The following SARDH variants were observed in gnomAD, a reference collection of about 807,000 sequenced individuals.
SARDH encodes sarcosine dehydrogenase, also known as sarcosine dehydrogenase, mitochondrial.
SARDH carries 95 observed loss-of-function variants against 109.1 expected under a neutral mutation model. That is an observed-to-expected ratio of 0.87 (90% CI 0.74 to 1.03). The LOEUF is 1.03. SARDH is among the 50% of genes least tolerant of loss of function. The probability of loss-of-function intolerance (pLI) is 0.00; values close to 1 mark genes in which losing one functional copy is unlikely to be tolerated. For synonymous variants in SARDH, 572 were observed against 534.8 expected, an observed-to-expected ratio of 1.07 and a Z score of -0.96; for missense variants, 1,267 against 1,287.8, an observed-to-expected ratio of 0.98 and a Z score of 0.25.
chr9:133,727,340 C>T (rs1357237834), intron 6 of SARDH, among the ~76,000 whole-genome samples: 1 of 152,224 alleles, frequency 6.6e-6, no homozygotes, highest in African/African-American at 2.4e-5. Flanking sequence ...GCTGGAGCCC[C>T]CAGGCCCCAA....
At chr9:133,689,871 C>T (rs1228545221) in intron 16 of SARDH, among the ~76,000 whole-genome samples, 3 of 152,192 alleles carry the variant, frequency 2.0e-5, no homozygotes, top group Admixed American at 6.5e-5. Context: ...GGGTCTTCCC[C>T]GGTCCTGGTT....
In SARDH at chr9:133,731,310, C is replaced by A; in HGVS notation, c.685G>T (p.Ala229Ser). 1 of 1,614,044 alleles carries A rather than the reference C, an allele frequency of 6.2e-7. No homozygotes were observed. Among genetic ancestry groups the A allele is most frequent in the African/African-American group, 1.3e-5 (1 of 75,044 alleles). Residue 229 changes from alanine (A) to serine (S), a missense_variant, in exon 4 of 21, where the codon GCA (alanine) becomes TCA (serine). By Grantham distance (99) the Ala-to-Ser change is moderately conservative. Transcript: ENST00000439388. Reference protein sequence around the residue: ...TLARAASARGAQVIENCPVTG... With the variant: ...TLARAASARGSQVIENCPVTG... ...AGCCAGGCGGCCATCAGTACCTGTGCTCCTCGGGCAGAAGCTGCCCTGGCG... is the reference window on the plus strand; with the variant it reads ...AGCCAGGCGGCCATCAGTACCTGTGATCCTCGGGCAGAAGCTGCCCTGGCG...
At chr9:133,691,422 C>G (rs1291704886) in intron 15 of SARDH, among the ~76,000 whole-genome samples, 2 of 152,166 alleles carry the variant, frequency 1.3e-5, no homozygotes, top group Non-Finnish European at 2.9e-5. Context: ...TCAGTCAGCC[C>G]AGGTCCAGGC....
At position 133,663,746 on chromosome 9, in the gene SARDH, T is replaced by G; in HGVS notation, c.*143A>C. The G allele has an allele frequency of 8.8e-6, 10 of 1,135,364 alleles. No individual in the cohort carries two copies. The highest frequency in any genetic ancestry group is 1.3e-5 in the Non-Finnish European group (10 of 789,676). 70.3% of individuals were successfully genotyped at this position (1,135,364 alleles called of 1,614,324 possible). ...ATCTTGGTCTCTGTCCGTATCTGGT[T>G]TGGGGGTTTTCGCAGGACTAGGCCT... On this transcript the variant is annotated 3_prime_UTR_variant, in exon 21 of 21. Transcript: ENST00000439388.
chr9:133,671,403 A>T, intron 18 of SARDH, 132 bp downstream of exon 18: 1 of 1,193,282 alleles, frequency 8.4e-7, no homozygotes. Context: ...GGAGGAAATC[A>T]TGGTGTGGAA....
rs1342497637 is a variant in SARDH at position 133,719,007 on chromosome 9, G to A, written c.951C>T (p.Val317=). The part of the protein sequence containing the change: ...MPNVRDHDAS[V]YLRLQGDALS... ...AGGCATCCCCTTGGAGGCGGAGGTA[G>A]ACAGAGGCATCATGATCACGGACAT... is the stretch of plus-strand genomic sequence containing the variant. The change falls in exon 7 of 21, where the codon GTC becomes GTT. Residue 317 remains valine, a synonymous_variant. Coordinates refer to ENST00000439388, the MANE Select transcript of SARDH (RefSeq NM_001134707.2). 6.2e-7 allele frequency: 1 copy of A among 1,614,226 alleles called. No homozygotes were observed. The highest frequency in any genetic ancestry group is 1.1e-5 in the South Asian group (1 of 91,072).
intron 17 of SARDH, among the ~76,000 whole-genome samples, chr9:133,676,769 C>T (rs1380635267): frequency 6.6e-6 from 1 of 152,166 alleles, no homozygotes; most frequent in Non-Finnish European, 1.5e-5. Context: ...TGAAGATGGT[C>T]GGTCATGAGC....
intron 8 of SARDH, among the ~76,000 whole-genome samples, chr9:133,714,769 G>A (rs1459512218): frequency 6.6e-6 from 1 of 152,166 alleles, no homozygotes; most frequent in Non-Finnish European, 1.5e-5. Context: ...AACACAGCAA[G>A]ACCTTTAAAA....
upstream of SARDH, among the ~76,000 whole-genome samples, chr9:133,738,647 C>T (rs568071907): frequency 3.3e-5 from 5 of 152,244 alleles, no homozygotes; most frequent in Admixed American, 6.5e-5. Flanking sequence ...TGGAGCCGCC[C>T]GAGCTCCCCG....
chr9:133,736,223 A>G (rs908247704), intron 1 of SARDH, among the ~76,000 whole-genome samples: 4 of 152,236 alleles, frequency 2.6e-5, no homozygotes, highest in African/African-American at 4.8e-5. Flanking sequence ...ACAATCATCA[A>G]TGCTGCCTCA....
rs1292757476 is a variant in SARDH at position 133,692,298 on chromosome 9, C to G, written c.1922-1771G>C. The stretch of plus-strand genomic sequence containing the variant: ...GACCTGTGTCCTCATTTTGGCCCCT[C>G]TACTGTCTCCCTAGCTAGACTCACT... On this transcript the variant is annotated intron_variant, in intron 15 of 20. Transcript: ENST00000439388. This position sits in a 1 kb window ranked among gnomAD's most constrained non-coding sequence, Gnocchi z 5.0. 6.6e-6 allele frequency among the ~76,000 whole-genome samples: 1 copy of G among 152,158 alleles called. No individual in the cohort carries two copies. Among genetic ancestry groups the G allele is most frequent in the Admixed American group, 6.5e-5 (1 of 15,278 alleles).
At chr9:133,720,435 A>G (rs1832284480) in intron 6 of SARDH, among the ~76,000 whole-genome samples, 1 of 152,244 alleles carries the variant, frequency 6.6e-6, no homozygotes, top group Admixed American at 6.5e-5. Context: ...TCTCATAAAT[A>G]AATAACCACA....
chr9:133,706,289 A>G (rs1030553085), intron 11 of SARDH, among the ~76,000 whole-genome samples: 1 of 152,234 alleles, frequency 6.6e-6, no homozygotes, highest in Non-Finnish European at 1.5e-5. Flanking sequence ...AAAAGCAACG[A>G]AATTTGGACA....
chr9:133,734,763 C>A (rs777008459), intron 1 of SARDH, among the ~76,000 whole-genome samples: 4 of 152,184 alleles, frequency 2.6e-5, no homozygotes, highest in Non-Finnish European at 5.9e-5. Context: ...AAAGGAGGGG[C>A]TCCGGTCTCA....
chr9:133,672,031 ACT>A (rs1206699537), intron 17 of SARDH, among the ~76,000 whole-genome samples: 3 of 151,474 alleles, frequency 2.0e-5, no homozygotes, highest in East Asian at 3.9e-4. Flanking sequence ...ATAACAGTAA[ACT>A]CTCTCTCGGT....
intron 10 of SARDH, among the ~76,000 whole-genome samples, chr9:133,708,745 C>T (rs116338847): frequency 2.6e-3 from 389 of 152,292 alleles, no homozygotes; most frequent in African/African-American, 9.0e-3. Context: ...GCCTAGGTTC[C>T]AGTGCTGGGG....
intron 16 of SARDH, among the ~76,000 whole-genome samples, chr9:133,685,622 G>C (rs1385170041): frequency 6.6e-6 from 1 of 152,168 alleles, no homozygotes; most frequent in Non-Finnish European, 1.5e-5. Context: ...CAGGCCAGGA[G>C]GAACAGAGCA....
chr9:133,734,746 T>C (rs491072), intron 1 of SARDH, among the ~76,000 whole-genome samples: 39,389 of 151,916 alleles, frequency 0.26, 5,456 homozygotes, highest in East Asian at 0.31. Context: ...AGAGGACCAA[T>C]AGCTGGAAAG....
chr9:133,736,076 G>T (rs1832876179), intron 1 of SARDH, among the ~76,000 whole-genome samples: 1 of 151,266 alleles, frequency 6.6e-6, no homozygotes, highest in Admixed American at 6.6e-5. Flanking sequence ...AGAGACATGT[G>T]ACGTATGAAC....
Sources: allele counts gnomAD v4.1 joint callset (sites outside exome capture counted in the v4.1 genomes callset), GRCh38; gene constraint gnomAD v4.1.1; non-coding constraint Gnocchi (gnomAD v3.1); transcripts MANE v1.5; gene names NCBI Gene and HGNC (gene_info 2026-07-23, HGNC 2026-07-21).